SESN1: variants seen among roughly 807,000 people sequenced by gnomAD.
SESN1 encodes sestrin-1.
A neutral mutation model predicts 59.3 loss-of-function variants in SESN1; 30 were observed. The ratio of observed to expected loss-of-function variants is 0.51; its 90% CI spans 0.38 to 0.69. The LOEUF is 0.69. Among genes scored for constraint, SESN1 ranks in the 30% least tolerant of loss-of-function variants. SESN1 has a pLI of 0.00. For missense variants in SESN1, 566 were observed against 673.0 expected (o/e 0.84, Z 1.76); for synonymous variants, 197 against 219.9 (o/e 0.90, Z 0.92).
rs528527758 is a variant in SESN1, at chr6:109,094,604, C to G, written c.-531G>C. On this transcript the variant is annotated 5_prime_UTR_variant, in exon 1 of 10. Transcript: ENST00000436639. ...AGCCGGCCGGCGCCGGCAGGGAAGG[C>G]TCGCCGAACCCTGGCCCACTGGCCG... is the stretch of plus-strand genomic sequence containing the variant. The G allele has an allele frequency of 1.3e-5, 2 of 152,596 alleles. No homozygotes were observed. Among genetic ancestry groups the G allele is most frequent in the South Asian group, 4.1e-4 (2 of 4,856 alleles). 9.5% of individuals were successfully genotyped at this position (152,596 alleles called of 1,614,324 possible).
chr6:108,998,713 A>G lies in SESN1; in HGVS notation c.772T>C (p.Leu258=). 6.2e-7 allele frequency: 1 copy of G among 1,613,826 alleles called. No individual in the cohort carries two copies. Among genetic ancestry groups the G allele is most frequent in the South Asian group, 1.1e-5 (1 of 91,072 alleles). ...GTGAGTAAAACTACTGCATGTACCA[A>G]TTCCGCAAGGGACCAGCTGTGCTCT... ...AEEHSWSLAE[L]VHAVVLLTHY... Residue 258 remains leucine (L), a synonymous_variant, in exon 5 of 10, where the codon TTG becomes CTG. Coordinates refer to ENST00000436639, the MANE Select transcript of SESN1 (RefSeq NM_014454.3).
chr6:108,997,462 C>A (rs548272214), intron 5 of SESN1, among the ~76,000 whole-genome samples: 1 of 152,292 alleles, frequency 6.6e-6, no homozygotes, highest in South Asian at 2.1e-4. Flanking sequence ...TGGTCTTTGG[C>A]AGTCCTATGA....
At chr6:109,062,096 C>T (rs1780742896) in intron 1 of SESN1, among the ~76,000 whole-genome samples, 2 of 152,170 alleles carry the variant, frequency 1.3e-5, no homozygotes, top group Admixed American at 1.3e-4. Flanking sequence ...ACAGTCACGG[C>T]TCACTGCAGC....
intron 1 of SESN1, among the ~76,000 whole-genome samples, chr6:109,030,319 C>G (rs1437106766): frequency 1.3e-5 from 2 of 152,172 alleles, no homozygotes; most frequent in African/African-American, 4.8e-5. Flanking sequence ...TTTCTTAGGA[C>G]TGTGAATGCC....
At chr6:109,025,198 CTG>C (rs1340163586) in intron 1 of SESN1, among the ~76,000 whole-genome samples, 3 of 151,920 alleles carry the variant, frequency 2.0e-5, no homozygotes, top group Middle Eastern at 3.2e-3. Flanking sequence ...GAAGATTTGC[CTG>C]TTTTAAGGTT....
intron 1 of SESN1, among the ~76,000 whole-genome samples, chr6:109,039,297 A>G (rs1341255333): frequency 6.6e-6 from 1 of 152,256 alleles, no homozygotes. Flanking sequence ...TAAATTGTAT[A>G]TACTGCATAA....
chr6:109,045,168 C>A (rs1328971344), intron 1 of SESN1, among the ~76,000 whole-genome samples: 1 of 152,168 alleles, frequency 6.6e-6, no homozygotes, highest in East Asian at 1.9e-4. Context: ...TAGCTAGGCT[C>A]CTCTGACACC....
chr6:109,061,270 C>T (rs940551259), intron 1 of SESN1, among the ~76,000 whole-genome samples: 72 of 151,992 alleles, frequency 4.7e-4, no homozygotes, highest in Non-Finnish European at 8.8e-5. Flanking sequence ...AATAGACAGG[C>T]ATGCGATCTA....
chr6:109,056,067 G>A (rs1403880512), intron 1 of SESN1, among the ~76,000 whole-genome samples: 4 of 152,276 alleles, frequency 2.6e-5, no homozygotes, highest in African/African-American at 7.2e-5. Context: ...AGGTGCCAGT[G>A]AGAACTTTAT....
At chr6:109,068,643 A>G (rs1169387878) in intron 1 of SESN1, among the ~76,000 whole-genome samples, 1 of 152,112 alleles carries the variant, frequency 6.6e-6, no homozygotes, top group Non-Finnish European at 1.5e-5. Context: ...GTAATTTGAG[A>G]TTCAATCTTT....
chr6:109,005,839 C>T (rs1235360837), intron 1 of SESN1, among the ~76,000 whole-genome samples: 3 of 152,158 alleles, frequency 2.0e-5, no homozygotes, highest in Non-Finnish European at 2.9e-5. Flanking sequence ...ACAAATTATA[C>T]AAACGTGAGT....
intron 1 of SESN1, among the ~76,000 whole-genome samples, chr6:109,006,855 G>A (rs890670419): frequency 1.3e-5 from 2 of 152,162 alleles, no homozygotes; most frequent in Admixed American, 6.5e-5. Context: ...ACATTTCATA[G>A]CTTCCTATTT....
At chr6:109,035,450 A>G (rs886355307) in intron 1 of SESN1, among the ~76,000 whole-genome samples, 1 of 152,106 alleles carries the variant, frequency 6.6e-6, no homozygotes, top group South Asian at 2.1e-4. Flanking sequence ...AAGCTGACAT[A>G]TGGAGTAGGT....
chr6:109,085,893 A>G (rs1781207075), intron 1 of SESN1, among the ~76,000 whole-genome samples: 1 of 152,202 alleles, frequency 6.6e-6, no homozygotes, highest in African/African-American at 2.4e-5. Context: ...CCTGACCAGC[A>G]TCAACTCTGT....
chr6:109,094,074 GACA>G lies in SESN1; in HGVS notation c.-4_-2del, dbSNP rs1454910243. On this transcript the variant is annotated 5_prime_UTR_variant, in exon 1 of 10. Transcript: ENST00000436639. ...TCACTTCATTCTCTCCTTCAGCCATGACAATAGTTTTTCCTTTGCGGTCTTCAG... is the reference window on the plus strand; with the variant it reads ...TCACTTCATTCTCTCCTTCAGCCATGATAGTTTTTCCTTTGCGGTCTTCAG... 1 of 1,608,730 alleles carries G rather than the reference GACA, an allele frequency of 6.2e-7. No homozygotes were observed. Among genetic ancestry groups the G allele is most frequent in the Non-Finnish European group, 8.5e-7 (1 of 1,176,226 alleles).
intron 1 of SESN1, among the ~76,000 whole-genome samples, chr6:109,011,369 G>A (rs1394011784): frequency 6.6e-6 from 1 of 152,068 alleles, no homozygotes; most frequent in Non-Finnish European, 1.5e-5. Context: ...ATTTAATGCT[G>A]CCTTATGTGA....
chr6:109,092,215 C>T (rs894816392), intron 1 of SESN1, among the ~76,000 whole-genome samples: 20 of 152,182 alleles, frequency 1.3e-4, no homozygotes, highest in African/African-American at 4.8e-4. Context: ...GAGTACTTTA[C>T]ATCTGATTTA....
intron 1 of SESN1, among the ~76,000 whole-genome samples, chr6:109,020,957 CATT>C (rs1780002686): frequency 6.6e-6 from 1 of 152,142 alleles, no homozygotes; most frequent in Non-Finnish European, 1.5e-5. Context: ...TTTGCTTTGT[CATT>C]ATCATTAATA....
intron 1 of SESN1, among the ~76,000 whole-genome samples, chr6:109,003,619 C>T (rs1443690000): frequency 3.3e-5 from 5 of 152,108 alleles, no homozygotes; most frequent in Non-Finnish European, 7.4e-5. Flanking sequence ...CCTGGTTAGT[C>T]CATCCTTACA....
Sources: allele counts gnomAD v4.1 joint callset (sites outside exome capture counted in the v4.1 genomes callset), GRCh38; gene constraint gnomAD v4.1.1; transcripts MANE v1.5; gene names NCBI Gene and HGNC (gene_info 2026-07-23, HGNC 2026-07-21).